Variants in ADAMTS15 observed in about 807,000 individuals in gnomAD.
ADAMTS15 encodes the protein A disintegrin and metalloproteinase with thrombospondin motifs 15.
In ADAMTS15, 35 loss-of-function variants were observed where a neutral mutation model predicts 79.1. The observed-to-expected ratio is 0.44, with a 90% CI of 0.34 to 0.59. The LOEUF (loss-of-function observed/expected upper bound fraction) is 0.59, where lower values mean the gene tolerates loss of function less well. ADAMTS15 is among the 20% of genes least tolerant of loss of function. The pLI is 0.02. For synonymous variants in ADAMTS15, 616 were observed against 567.3 expected (o/e 1.09, Z -1.22); for missense variants, 1,324 against 1,318.7 (o/e 1.00, Z -0.06).
rs919378563 is a variant in ADAMTS15 at position 130,469,309 on chromosome 11, C to T, written c.1590C>T (p.Arg530=). The change falls in exon 5 of 8, where the codon CGC becomes CGT. Residue 530 remains arginine, a synonymous_variant. Coordinates refer to ENST00000299164, the MANE Select transcript of ADAMTS15 (RefSeq NM_139055.4). The part of the protein sequence containing the change: ...AKWDPYGPCS[R]TCGGGVQLAR... ...GGGATCCCTATGGCCCCTGCTCGCG[C>T]ACATGTGGTGGGGGCGTGCAGCTGG... 5 of 1,401,764 alleles carry T rather than the reference C, an allele frequency of 3.6e-6. No individual in the cohort carries two copies. The highest frequency in any genetic ancestry group is 5.8e-5 in the Admixed American group (2 of 34,404). The allele number at this position is 1,401,764 out of a possible 1,614,324, so 86.8% of individuals were successfully genotyped here. A position where few individuals can be genotyped will look rare whatever the true frequency, so the allele number is the denominator to read the frequency against.
chr11:130,463,117 A>G (rs1366792691), intron 4 of ADAMTS15, among the ~76,000 whole-genome samples: 1 of 152,164 alleles, frequency 6.6e-6, no homozygotes, highest in Non-Finnish European at 1.5e-5. Context: ...CTGAACACAT[A>G]GTGTCAGGAG....
At chr11:130,464,519 G>A (rs1157159413) in intron 4 of ADAMTS15, among the ~76,000 whole-genome samples, 1 of 152,136 alleles carries the variant, frequency 6.6e-6, no homozygotes, top group East Asian at 1.9e-4. Flanking sequence ...CTCCCTCTGG[G>A]TTTTGGATTC....
intron 1 of ADAMTS15, 162 bp downstream of exon 1, chr11:130,450,092 C>G: frequency 5.1e-6 from 5 of 985,510 alleles, no homozygotes; most frequent in Non-Finnish European, 6.0e-6. Context: ...AGAGCCCTCT[C>G]CCACGCTCCG....
Position 130,474,583 on chromosome 11 carries a change from G to A in ADAMTS15, c.*762G>A, listed in dbSNP as rs1355896888. On this transcript the variant is annotated 3_prime_UTR_variant, in exon 8 of 8. Coordinates refer to ENST00000299164, the MANE Select transcript of ADAMTS15 (RefSeq NM_139055.4). ...GGGAGTCTGCTGTCTTCTTCAAGATGGAGCCGGCCATTACAGAAAGATGTT... is the reference window on the plus strand; with the variant it reads ...GGGAGTCTGCTGTCTTCTTCAAGATAGAGCCGGCCATTACAGAAAGATGTT... 6.6e-6 allele frequency: 1 copy of A among 152,366 alleles called. No homozygotes were observed. Among genetic ancestry groups the A allele is most frequent in the African/African-American group, 2.4e-5 (1 of 41,440 alleles). 9.4% of individuals were successfully genotyped at this position (152,366 alleles called of 1,614,324 possible).
rs1491377478 is a variant in ADAMTS15, at chr11:130,470,209, T to TAC, written c.1721-711_1721-710insAC. Among the ~76,000 whole-genome samples the TAC allele has an allele frequency of 2.0e-4, 12 of 60,100 alleles. 2 individuals carry two copies. Among genetic ancestry groups the TAC allele is most frequent in the South Asian group, 1.3e-3 (3 of 2,236 alleles). The allele number at this position is 60,100 out of a possible 152,430, so 39.4% of individuals were successfully genotyped here. A position where few individuals can be genotyped will look rare whatever the true frequency, so the allele number is the denominator to read the frequency against. ...GTGTATATATATATATATATATATA[T>TAC]GTATATATATATATATTTTCTGAGG... On this transcript the variant is annotated intron_variant, in intron 5 of 7. Transcript: ENST00000299164.
At position 130,470,186 on chromosome 11, in the gene ADAMTS15, G is replaced by GTA. The variant is rs1421284406; in HGVS notation, c.1721-712_1721-711dup. Reference sequence around the variant, plus strand: ...TATATATATATATATATATATGTGTGTATATATATATATATATATATATGT... The same window carrying GTA: ...TATATATATATATATATATATGTGTGTATATATATATATATATATATATATGT... On this transcript the variant is annotated intron_variant, in intron 5 of 7. Transcript: ENST00000299164. 1.9e-3 allele frequency among the ~76,000 whole-genome samples: 129 copies of GTA among 67,132 alleles called. 3 individuals are homozygous for GTA. Among genetic ancestry groups the GTA allele is most frequent in the East Asian group, 6.3e-3 (19 of 2,994 alleles). The allele number at this position is 67,132 out of a possible 152,430, so 44.0% of individuals were successfully genotyped here. A position where few individuals can be genotyped will look rare whatever the true frequency, so the allele number is the denominator to read the frequency against.
intron 4 of ADAMTS15, among the ~76,000 whole-genome samples, chr11:130,467,711 A>G (rs1400615506): frequency 6.6e-6 from 1 of 151,926 alleles, no homozygotes; most frequent in East Asian, 1.9e-4. Context: ...CTGTCATTCT[A>G]AGGAAAACAT....
chr11:130,458,651 G>A (rs895720917), intron 1 of ADAMTS15, among the ~76,000 whole-genome samples: 2 of 152,180 alleles, frequency 1.3e-5, no homozygotes, highest in African/African-American at 4.8e-5. Context: ...CCAAGGCCCC[G>A]AAGAGAGAGG....
chr11:130,449,452 G>GGGGTGTTCCGGGC lies in ADAMTS15; in HGVS notation c.483_495dup (p.Pro166CysfsTer42). 1 of 1,579,814 alleles carries GGGGTGTTCCGGGC rather than the reference G, an allele frequency of 6.3e-7. No homozygotes were observed. ...CAGGGCGCACACCTTCTCCAGCGCC[G>GGGGTGTTCCGGGC]GGGTGTTCCGGGCGGGCCTTCCGGA... On this transcript the variant is annotated frameshift_variant, in exon 1 of 8. Transcript: ENST00000299164. LOFTEE classifies it high-confidence loss of function. The surrounding 1 kb of genome is among the most constrained non-coding windows in gnomAD (Gnocchi z 7.8).
chr11:130,469,579 C>A, intron 5 of ADAMTS15, 140 bp downstream of exon 5: 1 of 651,174 alleles, frequency 1.5e-6, no homozygotes, highest in Non-Finnish European at 2.2e-6. Flanking sequence ...GTATTTCTAT[C>A]ATGGATTCCT....
intron 5 of ADAMTS15, among the ~76,000 whole-genome samples, chr11:130,469,793 A>AG (rs1938383125): frequency 6.6e-6 from 1 of 152,180 alleles, no homozygotes; most frequent in Non-Finnish European, 1.5e-5. Context: ...TGCCCAGCCC[A>AG]TCTTTGTAAG....
chr11:130,452,969 G>A (rs1233295045), intron 1 of ADAMTS15, among the ~76,000 whole-genome samples: 2 of 136,438 alleles, frequency 1.5e-5, no homozygotes, highest in African/African-American at 3.0e-5. Flanking sequence ...GACAGAGTGA[G>A]GCTCTGTCTC....
At chr11:130,460,861 C>T (rs1312525988) in intron 1 of ADAMTS15, among the ~76,000 whole-genome samples, 4 of 152,186 alleles carry the variant, frequency 2.6e-5, no homozygotes, top group Non-Finnish European at 5.9e-5. Flanking sequence ...ATGTATCTTT[C>T]TTCCTAGCAG....
At chr11:130,469,137 C>G (rs1938369517) in intron 4 of ADAMTS15, 125 bp from the exon 5 acceptor site, 1 of 945,382 alleles carries the variant, frequency 1.1e-6, no homozygotes, top group South Asian at 4.1e-5. Context: ...CATGATACAA[C>G]ATTAATTTCA....
rs182702280 is a variant in ADAMTS15, at chr11:130,468,829, C to T, written c.1543-433C>T. 8.8e-3 allele frequency among the ~76,000 whole-genome samples: 1,293 copies of T among 146,372 alleles called. 10 individuals carry two copies. Among genetic ancestry groups the T allele is most frequent in the South Asian group, 0.022 (101 of 4,504 alleles). ...GCCGGCACCTGTAATCCCAGCTACT[C>T]GGGAGGCTGAGGCTGGAGAATCACT... On this transcript the variant is annotated intron_variant, in intron 4 of 7. Transcript: ENST00000299164.
chr11:130,470,640 A>G (rs1938430467), intron 5 of ADAMTS15, among the ~76,000 whole-genome samples: 1 of 152,164 alleles, frequency 6.6e-6, no homozygotes. Context: ...TACTTTATGC[A>G]CTGAGTTACA....
intron 4 of ADAMTS15, among the ~76,000 whole-genome samples, chr11:130,466,065 G>A (rs1938294654): frequency 6.6e-6 from 1 of 151,974 alleles, no homozygotes; most frequent in Non-Finnish European, 1.5e-5. Flanking sequence ...TGGAGATGGG[G>A]TTTCATCATG....
rs1937922706 is a variant in ADAMTS15, at chr11:130,449,709, C to T, written c.736C>T (p.Leu246=). ...ADLEHYLLTL[L]ATAARLYRHP... is the part of the protein sequence containing the mutation. Reference sequence around the variant, plus strand: ...CCTGGAACATTATCTGCTGACGCTGCTGGCAACGGCGGCGCGACTCTACCG... The same window carrying T: ...CCTGGAACATTATCTGCTGACGCTGTTGGCAACGGCGGCGCGACTCTACCG... Residue 246 remains leucine, a synonymous_variant, in exon 1 of 8, where the codon CTG becomes TTG. Transcript: ENST00000299164. This position sits in a 1 kb window ranked among gnomAD's most constrained non-coding sequence, Gnocchi z 7.8. The T allele has an allele frequency of 3.1e-6, 5 of 1,611,416 alleles. No homozygotes were observed. The highest frequency in any genetic ancestry group is 4.2e-6 in the Non-Finnish European group (5 of 1,179,080).
intron 1 of ADAMTS15, among the ~76,000 whole-genome samples, chr11:130,450,815 C>G (rs1192690289): frequency 6.6e-6 from 1 of 152,158 alleles, no homozygotes; most frequent in African/African-American, 2.4e-5. Context: ...TTCCTATGAC[C>G]ACACTTGACT....
Sources: allele counts gnomAD v4.1 joint callset (sites outside exome capture counted in the v4.1 genomes callset), GRCh38; gene constraint gnomAD v4.1.1; non-coding constraint Gnocchi (gnomAD v3.1); transcripts MANE v1.5; gene names NCBI Gene and HGNC (gene_info 2026-07-23, HGNC 2026-07-21).